The following MAPKAP1 variants were observed in gnomAD, a reference collection of about 807,000 sequenced individuals.
MAPKAP1 encodes MAPK associated protein 1.
A neutral mutation model predicts 65.7 loss-of-function variants in MAPKAP1; 20 were observed. The ratio of observed to expected loss-of-function variants is 0.30; its 90% CI spans 0.21 to 0.44. The LOEUF is 0.44. Among genes scored for constraint, MAPKAP1 ranks in the 20% least tolerant of loss-of-function variants. The probability of loss-of-function intolerance (pLI) is 1.00; values close to 1 mark genes in which losing one functional copy is unlikely to be tolerated. For missense variants in MAPKAP1, 423 were observed against 648.0 expected (o/e 0.65, Z 3.77); for synonymous variants, 222 against 244.3 (o/e 0.91, Z 0.85).
At chr9:125,603,460 G>T (rs1359283370) in intron 4 of MAPKAP1, among the ~76,000 whole-genome samples, 1 of 152,190 alleles carries the variant, frequency 6.6e-6, no homozygotes, top group Non-Finnish European at 1.5e-5. Context: ...AGCAAAGGGT[G>T]TGAGGAGACA....
intron 2 of MAPKAP1, among the ~76,000 whole-genome samples, chr9:125,671,033 T>C (rs1310472977): frequency 1.3e-5 from 2 of 152,170 alleles, no homozygotes; most frequent in African/African-American, 2.4e-5. Context: ...CTACATTCAA[T>C]TGCAATTAAT....
chr9:125,569,176 T>C (rs112488681), intron 5 of MAPKAP1, among the ~76,000 whole-genome samples: 4,854 of 152,318 alleles, frequency 0.032, 131 homozygotes, highest in African/African-American at 0.071. Flanking sequence ...TTTTATGCCC[T>C]TGGGGGCTTG....
At chr9:125,458,111 C>T (rs1372826366) in intron 10 of MAPKAP1, among the ~76,000 whole-genome samples, 1 of 152,104 alleles carries the variant, frequency 6.6e-6, no homozygotes, top group Non-Finnish European at 1.5e-5. Flanking sequence ...TGCATATTTT[C>T]TAATGTCCAA....
intron 1 of MAPKAP1, among the ~76,000 whole-genome samples, chr9:125,704,875 T>C (rs549394043): frequency 1.3e-5 from 2 of 152,324 alleles, no homozygotes; most frequent in South Asian, 4.1e-4. Flanking sequence ...TCAATAAATA[T>C]TCACAACACT....
intron 9 of MAPKAP1, chr9:125,477,938 GGACT>G (rs1854170365): frequency 6.6e-6 from 1 of 152,164 alleles, no homozygotes; most frequent in Admixed American, 6.5e-5. Context: ...GTACTTTTTA[GGACT>G]GACAGAGGGA....
intron 7 of MAPKAP1, among the ~76,000 whole-genome samples, chr9:125,526,552 A>C (rs1297802540): frequency 6.6e-6 from 1 of 152,238 alleles, no homozygotes; most frequent in African/African-American, 2.4e-5. Flanking sequence ...AAACGTTTAT[A>C]AGAAACAACT....
chr9:125,489,701 A>G (rs367911775), intron 8 of MAPKAP1, among the ~76,000 whole-genome samples: 1 of 152,290 alleles, frequency 6.6e-6, no homozygotes, highest in South Asian at 2.1e-4. Flanking sequence ...AATGGCAAGA[A>G]GAGGCCACGG....
chr9:125,664,189 A>C (rs985619104), intron 3 of MAPKAP1, among the ~76,000 whole-genome samples: 2 of 151,422 alleles, frequency 1.3e-5, no homozygotes, highest in Non-Finnish European at 2.9e-5. Context: ...TCTACCAAAA[A>C]TACAAAAATT....
At chr9:125,498,145 A>G (rs1049112135) in intron 8 of MAPKAP1, among the ~76,000 whole-genome samples, 1 of 152,240 alleles carries the variant, frequency 6.6e-6, no homozygotes, top group Non-Finnish European at 1.5e-5. Context: ...TGGAAAGCTC[A>G]AGGACTTTGG....
intron 4 of MAPKAP1, among the ~76,000 whole-genome samples, chr9:125,611,656 G>A (rs1832604280): frequency 6.6e-6 from 1 of 152,126 alleles, no homozygotes; most frequent in Non-Finnish European, 1.5e-5. Context: ...ATCTATACCA[G>A]ACAAATATCA....
intron 7 of MAPKAP1, among the ~76,000 whole-genome samples, chr9:125,508,703 A>T (rs954451548): frequency 3.3e-5 from 5 of 152,130 alleles, no homozygotes; most frequent in African/African-American, 1.2e-4. Flanking sequence ...AAATTTTTTT[A>T]AATTAGCTGG....
Position 125,439,785 on chromosome 9 carries a change from G to A in MAPKAP1, c.1444-773C>T, listed in dbSNP as rs925205621. On this transcript the variant is annotated intron_variant, in intron 11 of 11. Transcript: ENST00000265960. This position sits in a 1 kb window ranked among gnomAD's most constrained non-coding sequence, Gnocchi z 4.0. ...CCAGGCGCTTCCCCAGCGCTACAGC[G>A]CTGAGACTTGGTCCTGGCCCTGGGG... 1.3e-5 allele frequency among the ~76,000 whole-genome samples: 2 copies of A among 152,254 alleles called. No individual in the cohort carries two copies. Among genetic ancestry groups the A allele is most frequent in the African/African-American group, 4.8e-5 (2 of 41,468 alleles).
chr9:125,705,386 TTAGTTTACCTCAAATTA>T (rs1835726704), intron 1 of MAPKAP1, among the ~76,000 whole-genome samples: 1 of 152,120 alleles, frequency 6.6e-6, no homozygotes, highest in Admixed American at 6.6e-5. Context: ...TACTCAAAGT[TTAGTTTACCTCAAATTA>T]TGAAGCATTA....
At position 125,707,029 on chromosome 9, in the gene MAPKAP1, G is replaced by T. The variant is rs1454297470; in HGVS notation, c.-128C>A. 1 of 397,544 alleles carries T rather than the reference G, an allele frequency of 2.5e-6. No individual in the cohort carries two copies. Among genetic ancestry groups the T allele is most frequent in the African/African-American group, 2.1e-5 (1 of 48,692 alleles). 24.6% of individuals were successfully genotyped at this position (397,544 alleles called of 1,614,324 possible). A position where few individuals can be genotyped will look rare whatever the true frequency, so the allele number is the denominator to read the frequency against. On this transcript the variant is annotated 5_prime_UTR_variant, in exon 1 of 12. Transcript: ENST00000265960. ...CCCCGGGACACGTTCCTGAGGGGAG[G>T]GCCCGGCTCCCCCACGCCTCCCGGC... is the stretch of plus-strand genomic sequence containing the variant.
chr9:125,680,091 T>C (rs549459919), intron 1 of MAPKAP1, among the ~76,000 whole-genome samples: 1 of 152,134 alleles, frequency 6.6e-6, no homozygotes, highest in South Asian at 2.1e-4. Context: ...GCGAGATTTT[T>C]TTTTTTTTTT....
intron 1 of MAPKAP1, among the ~76,000 whole-genome samples, chr9:125,690,291 G>A (rs760413007): frequency 3.0e-4 from 45 of 152,170 alleles, no homozygotes; most frequent in Non-Finnish European, 3.8e-4. Flanking sequence ...AACTTCAGAA[G>A]TTTCAGAAAT....
At chr9:125,698,300 T>TATATATATATATATAA (rs1835474971) in intron 1 of MAPKAP1, among the ~76,000 whole-genome samples, 1 of 16,152 alleles carries the variant, frequency 6.2e-5, no homozygotes, top group Non-Finnish European at 1.4e-4. Context: ...TATATATATA[T>TATATATATATATATAA]ATATATATAT....
intron 7 of MAPKAP1, among the ~76,000 whole-genome samples, chr9:125,524,669 T>C (rs142358881): frequency 2.6e-3 from 400 of 152,372 alleles, no homozygotes; most frequent in Middle Eastern, 0.01. Context: ...TTGTTAGATC[T>C]ATTATCTGGG....
chr9:125,521,010 C>T (rs1197556891), intron 7 of MAPKAP1, among the ~76,000 whole-genome samples: 2 of 152,194 alleles, frequency 1.3e-5, no homozygotes, highest in Non-Finnish European at 2.9e-5. Context: ...CATATCCTAC[C>T]AAAGTTATCT....
Sources: allele counts gnomAD v4.1 joint callset (sites outside exome capture counted in the v4.1 genomes callset), GRCh38; gene constraint gnomAD v4.1.1; non-coding constraint Gnocchi (gnomAD v3.1); transcripts MANE v1.5; gene names NCBI Gene and HGNC (gene_info 2026-07-23, HGNC 2026-07-21).